Variants in CIC observed in about 807,000 individuals in gnomAD.
The protein encoded by CIC is capicua transcriptional repressor.
In CIC, 18 loss-of-function variants were observed where a neutral mutation model predicts 115.7. The observed-to-expected ratio is 0.16, with a 90% CI of 0.11 to 0.23. CIC has a LOEUF of 0.23. Among genes scored for constraint, CIC ranks in the 10% least tolerant of loss-of-function variants. CIC has a pLI of 1.00. For missense variants in CIC, 2,000 were observed against 2,159.3 expected, an observed-to-expected ratio of 0.93 and a Z score of 1.46; for synonymous variants, 1,076 against 923.0, an observed-to-expected ratio of 1.17 and a Z score of -3.01.
In CIC at chr19:42,273,140, C is replaced by T. The variant is rs1032247513; in HGVS notation, c.1357C>T (p.Arg453Cys). 7.5e-6 allele frequency: 3 copies of T among 398,434 alleles called. No individual in the cohort carries two copies. Among genetic ancestry groups the T allele is most frequent in the Admixed American group, 4.4e-5 (1 of 22,710 alleles). The allele number at this position is 398,434 out of a possible 1,614,324, so 24.7% of individuals were successfully genotyped here. A position where few individuals can be genotyped will look rare whatever the true frequency, so the allele number is the denominator to read the frequency against. Residue 453 changes from arginine (R) to cysteine (C), a missense_variant, in exon 2 of 21, where the codon CGC (arginine) becomes TGC (cysteine). By Grantham distance (180) the Arg-to-Cys change is radical. Around this residue, in one of 8 missense-constraint regions of CIC, gnomAD observed 222 missense variants for 247.7 expected, o/e 0.90. Coordinates refer to ENST00000681038, the MANE Select transcript of CIC (RefSeq NM_001386298.1). ...PCQEGSQGGS[R>C]SSSVASLEKG... Reference sequence around the variant, plus strand: ...CCAGGAGGGGAGCCAGGGCGGCAGCCGCAGCAGCAGCGTGGCCTCCCTGGA... The same window carrying T: ...CCAGGAGGGGAGCCAGGGCGGCAGCTGCAGCAGCAGCGTGGCCTCCCTGGA...
rs118035146 is a variant in CIC, at chr19:42,280,391, C to A, written c.2794+5814C>A. On this transcript the variant is annotated intron_variant, in intron 2 of 20. Coordinates refer to ENST00000681038, the MANE Select transcript of CIC (RefSeq NM_001386298.1). The surrounding 1 kb of genome is among the most constrained non-coding windows in gnomAD (Gnocchi z 4.9). Reference sequence around the variant, plus strand: ...TGTGTAGAAGCGGACTGGCACCCAGCGAGGGCCGCGCCCAGCCCCCGCTGG... The same window carrying A: ...TGTGTAGAAGCGGACTGGCACCCAGAGAGGGCCGCGCCCAGCCCCCGCTGG... Among the ~76,000 whole-genome samples the A allele has an allele frequency of 0.048, 7,356 of 152,188 alleles. 280 individuals are homozygous for A. Among genetic ancestry groups the A allele is most frequent in the South Asian group, 0.15 (726 of 4,832 alleles).
rs780150936 is a variant in CIC at position 42,294,647 on chromosome 19, G to A, written c.7098G>A (p.Lys2366=). Residue 2366 remains lysine, a synonymous_variant, in exon 20 of 21, where the codon AAG becomes AAA. Coordinates refer to ENST00000681038, the MANE Select transcript of CIC (RefSeq NM_001386298.1). ...TGCTTGGGGAGCTAGAGTATGACAA[G>A]GTGCCATACTCCTCCCTGCGGCGCA... ...EDVLGELEYD[K]VPYSSLRRTL... is the part of the protein sequence containing the mutation. 6 of 1,613,626 alleles carry A rather than the reference G, an allele frequency of 3.7e-6. No homozygotes were observed. Among genetic ancestry groups the A allele is most frequent in the Non-Finnish European group, 5.1e-6 (6 of 1,179,970 alleles).
In CIC at chr19:42,295,369, G is replaced by C; in HGVS notation, c.*178G>C. The stretch of plus-strand genomic sequence containing the variant: ...CCCTCGAAGCTCCCTCCCGGTGCTG[G>C]GGGGCAGCTGAGGGGCTGCAGGGGC... On this transcript the variant is annotated 3_prime_UTR_variant, in exon 21 of 21. Coordinates refer to ENST00000681038, the MANE Select transcript of CIC (RefSeq NM_001386298.1). 3.2e-6 allele frequency: 2 copies of C among 615,810 alleles called. No homozygotes were observed. Among genetic ancestry groups the C allele is most frequent in the Non-Finnish European group, 5.6e-6 (2 of 354,764 alleles). 38.1% of individuals were successfully genotyped at this position (615,810 alleles called of 1,614,324 possible). A position where few individuals can be genotyped will look rare whatever the true frequency, so the allele number is the denominator to read the frequency against.
chr19:42,290,987 C>G lies in CIC; in HGVS notation c.4946C>G (p.Pro1649Arg). ...SDKKSAAATS[P>R]APHLVAGPLL... is the part of the protein sequence containing the mutation. ...AAGAAGTCGGCAGCAGCCACCTCAC[C>G]AGCCCCACACTTGGTGGCTGGACCC... Residue 1649 changes from proline to arginine, a missense_variant, in exon 11 of 21, where the codon CCA becomes CGA. This residue lies in a region of CIC where 1,466 missense variants were observed against 1,390.4 expected (regional missense o/e 1.05). Coordinates refer to ENST00000681038, the MANE Select transcript of CIC (RefSeq NM_001386298.1). 1 of 1,613,838 alleles carries G rather than the reference C, an allele frequency of 6.2e-7. No individual in the cohort carries two copies. Among genetic ancestry groups the G allele is most frequent in the South Asian group, 1.1e-5 (1 of 91,082 alleles).
At chr19:42,288,079 C>G in intron 7 of CIC, 104 bp downstream of exon 7, 1 of 1,349,098 alleles carries the variant, frequency 7.4e-7, no homozygotes, top group East Asian at 2.5e-5. Context: ...CCTCTCTGCT[C>G]TATCGCTTTA....
rs918563783 is a variant in CIC, at chr19:42,294,403, C to A, written c.7054+99C>A. 1.3e-5 allele frequency: 21 copies of A among 1,584,092 alleles called. No homozygotes were observed. The African/African-American group carries it at 2.8e-4, about 21-fold the overall frequency. ...GTGAGAGAGGTAGGGTGGGTCCATC[C>A]AGGCTGGGAGGAAGCACAGCCTGTC... is the stretch of plus-strand genomic sequence containing the variant. On this transcript the variant is annotated intron_variant, in intron 19 of 20. Transcript: ENST00000681038.
At chr19:42,283,814 A>G (rs1340878558) in intron 2 of CIC, among the ~76,000 whole-genome samples, 1 of 151,444 alleles carries the variant, frequency 6.6e-6, no homozygotes, top group Admixed American at 6.6e-5. Context: ...CCACCCTCCT[A>G]CCGCGGCCCC....
Position 42,295,148 on chromosome 19 carries a change from C to G in CIC, c.7511C>G (p.Ser2504Cys), listed in dbSNP as rs1448449428. 3 of 1,250,490 alleles carry G rather than the reference C, an allele frequency of 2.4e-6. No individual in the cohort carries two copies. The highest frequency in any genetic ancestry group is 3.3e-6 in the Non-Finnish European group (3 of 921,826). 77.5% of individuals were successfully genotyped at this position (1,250,490 alleles called of 1,614,324 possible). Residue 2504 changes from serine to cysteine, a missense_variant, in exon 21 of 21, where the codon TCC becomes TGC. Ser to Cys is a moderately radical substitution (Grantham distance 112, BLOSUM62 -1). Coordinates refer to ENST00000681038, the MANE Select transcript of CIC (RefSeq NM_001386298.1). ...GGCTGGGAGGGGGCTCCCCAGCCCT[C>G]CCCCCCACCCCCAGGTCCCTCCACA... ...QPGWEGAPQP[S>C]PPPPGPSTAA...
Position 42,295,142 on chromosome 19 carries a change from A to AGGC in CIC, c.7506_7507insGCG (p.Gln2502_Pro2503insAla). 1 of 558,798 alleles carries AGGC rather than the reference A, an allele frequency of 1.8e-6. No homozygotes were observed. The highest frequency in any genetic ancestry group is 2.9e-6 in the Non-Finnish European group (1 of 350,630). The allele number at this position is 558,798 out of a possible 1,614,324, so 34.6% of individuals were successfully genotyped here. A position where few individuals can be genotyped will look rare whatever the true frequency, so the allele number is the denominator to read the frequency against. ...CAGCCTGGCTGGGAGGGGGCTCCCC[A>AGGC]GCCCTCCCCCCCACCCCCAGGTCCC... On this transcript the variant is annotated inframe_insertion, in exon 21 of 21. Transcript: ENST00000681038.
chr19:42,276,234 G>T (rs2036972056), intron 2 of CIC, among the ~76,000 whole-genome samples: 1 of 152,232 alleles, frequency 6.6e-6, no homozygotes, highest in African/African-American at 2.4e-5. Flanking sequence ...ACTCTAAATG[G>T]CAGGTGAGTG....
In CIC at chr19:42,293,735, G is replaced by T. The variant is rs1321316697; in HGVS notation, c.6666G>T (p.Arg2222=). The change falls in exon 17 of 21, where the codon CGG becomes CGT. Residue 2222 remains arginine (R), a synonymous_variant. Coordinates refer to ENST00000681038, the MANE Select transcript of CIC (RefSeq NM_001386298.1). ...PGGSSESSSG[R]AAGDTPERKE... ...GCAGCAGCGAGAGCAGCAGTGGGCGGGCAGCCGGGGACACCCCGGAGCGCA... is the reference window on the plus strand; with the variant it reads ...GCAGCAGCGAGAGCAGCAGTGGGCGTGCAGCCGGGGACACCCCGGAGCGCA... The T allele has an allele frequency of 1.9e-6, 3 of 1,612,756 alleles. No homozygotes were observed. The South Asian group carries it at 3.3e-5, about 18-fold the overall frequency.
rs551766765 is a variant in CIC at position 42,293,522 on chromosome 19, CTT to C, written c.6523-68_6523-67del. The stretch of plus-strand genomic sequence containing the variant: ...CTGCTGGGCGGGCTCAGATCCAACT[CTT>C]TGTTTCTGGCCTTTGCCCCAGAGTC... On this transcript the variant is annotated intron_variant, in intron 16 of 20. Transcript: ENST00000681038. 57 of 1,610,774 alleles carry C rather than the reference CTT, an allele frequency of 3.5e-5. No individual in the cohort carries two copies. In the African/African-American group the frequency reaches 3.6e-4, roughly 10 times the overall value.
At chr19:42,288,245 G>A (rs924622385) in intron 7 of CIC, among the ~76,000 whole-genome samples, 2 of 152,208 alleles carry the variant, frequency 1.3e-5, no homozygotes, top group African/African-American at 2.4e-5. Flanking sequence ...GGGAATATAA[G>A]CTGTAGTCTG....
At position 42,292,214 on chromosome 19, in the gene CIC, G is replaced by T. The variant is rs753157196; in HGVS notation, c.5735+7G>T. ...TGTTGCCCTCCTCCACCAGGTAATT[G>T]CAGCTGAGCCCATACTCAGAGGCCA... On this transcript the variant is annotated splice_region_variant and intron_variant, in intron 13 of 20. Coordinates refer to ENST00000681038, the MANE Select transcript of CIC (RefSeq NM_001386298.1). The T allele has an allele frequency of 1.9e-6, 3 of 1,613,986 alleles. No individual in the cohort carries two copies. The East Asian group carries it at 6.7e-5, about 36-fold the overall frequency.
rs2037757411 is a variant in CIC, at chr19:42,287,721, C to T, written c.3486C>T (p.Ala1162=). ...PKEKQKYHDL[A]FQVKEAHFKA... ...AGAAGCAGAAGTACCACGACCTGGC[C>T]TTCCAGGTAACGCTGTTGCCTCTTG... The change falls in exon 6 of 21, where the codon GCC becomes GCT. Residue 1162 remains alanine (A), a synonymous_variant. Coordinates refer to ENST00000681038, the MANE Select transcript of CIC (RefSeq NM_001386298.1). The surrounding 1 kb of genome is among the most constrained non-coding windows in gnomAD (Gnocchi z 8.7). The T allele has an allele frequency of 1.2e-6, 2 of 1,614,216 alleles. No individual in the cohort carries two copies. Among genetic ancestry groups the T allele is most frequent in the Middle Eastern group, 1.6e-4 (1 of 6,062 alleles).
At chr19:42,291,784 C>T (rs778904203) in intron 12 of CIC, 39 bp downstream of exon 12, 14 of 1,605,132 alleles carry the variant, frequency 8.7e-6, no homozygotes, top group South Asian at 7.7e-5. Context: ...TGGATGTTGG[C>T]CCCTGTACCC....
chr19:42,289,588 C>T (rs1005447180), intron 9 of CIC, among the ~76,000 whole-genome samples, 182 bp downstream of exon 9: 1 of 152,240 alleles, frequency 6.6e-6, no homozygotes, highest in African/African-American at 2.4e-5. Flanking sequence ...AAGCCCCCAG[C>T]CCTGCAGGAA....
In CIC at chr19:42,294,593, G is replaced by T; in HGVS notation, c.7055-11G>T. ...GCTGCAGCCTTGCCATGCTGCCTGT[G>T]CCCTGCACAGGTACAGAAGCCGAGG... is the stretch of plus-strand genomic sequence containing the variant. On this transcript the variant is annotated splice_polypyrimidine_tract_variant and intron_variant, in intron 19 of 20. Coordinates refer to ENST00000681038, the MANE Select transcript of CIC (RefSeq NM_001386298.1). 2.5e-6 allele frequency: 4 copies of T among 1,613,110 alleles called. No individual in the cohort carries two copies. Among genetic ancestry groups the T allele is most frequent in the Non-Finnish European group, 2.5e-6 (3 of 1,179,928 alleles).
rs914368115 is a variant in CIC at position 42,283,260 on chromosome 19, TTCC to T, written c.2795-3506_2795-3504del. On this transcript the variant is annotated intron_variant, in intron 2 of 20. Coordinates refer to ENST00000681038, the MANE Select transcript of CIC (RefSeq NM_001386298.1). ...AGTGGACAAGCAGGGCTATGCTGAG[TTCC>T]TCCTGTTTGACATGTTGTCTGTTTG... Among the ~76,000 whole-genome samples, 2 of 151,868 alleles carry T rather than the reference TTCC, an allele frequency of 1.3e-5. 1 individual carries two copies. The highest frequency in any genetic ancestry group is 2.9e-5 in the Non-Finnish European group (2 of 67,962).
Sources: allele counts gnomAD v4.1 joint callset (sites outside exome capture counted in the v4.1 genomes callset), GRCh38; gene constraint gnomAD v4.1.1; regional missense constraint gnomAD v4.1.1; non-coding constraint Gnocchi (gnomAD v3.1); transcripts MANE v1.5; gene names NCBI Gene and HGNC (gene_info 2026-07-23, HGNC 2026-07-21).